The following PDPN variants were observed in gnomAD, a reference collection of about 807,000 sequenced individuals.
The protein encoded by PDPN is podoplanin.
PDPN carries 12 observed loss-of-function variants against 23.2 expected under a neutral mutation model. The observed-to-expected ratio is 0.52, with a 90% CI of 0.33 to 0.84. The LOEUF (loss-of-function observed/expected upper bound fraction) is 0.84. PDPN is among the 40% of genes least tolerant of loss of function. PDPN has a pLI of 0.02. For missense variants in PDPN, 199 were observed against 212.2 expected, an observed-to-expected ratio of 0.94 and a Z score of 0.39; for synonymous variants, 77 against 76.7, an observed-to-expected ratio of 1.00 and a Z score of -0.02.
chr1:13,595,788 G>A (rs1170047681), intron 1 of PDPN: 1 of 997,540 alleles, frequency 1.0e-6, no homozygotes, highest in Admixed American at 2.3e-5. Context: ...CTTTGCAGGT[G>A]CCGTGCTATC....
chr1:13,598,623 C>A (rs1187956653), intron 1 of PDPN, among the ~76,000 whole-genome samples: 5 of 152,074 alleles, frequency 3.3e-5, no homozygotes, highest in Non-Finnish European at 7.4e-5. Flanking sequence ...AAACCCCATC[C>A]TTAAAACAGT....
chr1:13,609,987 C>G (rs909026638), intron 2 of PDPN, among the ~76,000 whole-genome samples: 1 of 152,132 alleles, frequency 6.6e-6, no homozygotes, highest in African/African-American at 2.4e-5. Flanking sequence ...TTGCATGAAC[C>G]TGGAAGGCAA....
chr1:13,603,508 ATTTG>A (rs754024070), intron 1 of PDPN, among the ~76,000 whole-genome samples: 5 of 152,188 alleles, frequency 3.3e-5, no homozygotes, highest in East Asian at 3.9e-4. Context: ...GCTTACGTTT[ATTTG>A]TTCTCAAAAA....
chr1:13,598,027 T>C (rs1640542952), intron 1 of PDPN, among the ~76,000 whole-genome samples: 1 of 152,030 alleles, frequency 6.6e-6, no homozygotes, highest in Non-Finnish European at 1.5e-5. Flanking sequence ...TCTTTCTCTT[T>C]CCTTTCTTTT....
At chr1:13,604,277 G>A (rs1371871105) in intron 1 of PDPN, among the ~76,000 whole-genome samples, 1 of 152,180 alleles carries the variant, frequency 6.6e-6, no homozygotes, top group Admixed American at 6.6e-5. Flanking sequence ...GACATGAGAT[G>A]CTGGCTGGAA....
In PDPN at chr1:13,599,011, C is replaced by CTTTTTTTTTTTTTTTTTT. The variant is rs35244657; in HGVS notation, c.68-8145_68-8144insTTTTTTTTTTTTTTTTTT. ...ACAGTCCAAGAAAGTGCCCCCCCTC[C>CTTTTTTTTTTTTTTTTTT]TTTTTTTTTTTTTTTTTGGAGATGG... On this transcript the variant is annotated intron_variant, in intron 1 of 5. Transcript: ENST00000621990. 9.4e-3 allele frequency among the ~76,000 whole-genome samples: 1,190 copies of CTTTTTTTTTTTTTTTTTT among 126,802 alleles called. 55 individuals carry two copies. Among genetic ancestry groups the CTTTTTTTTTTTTTTTTTT allele is most frequent in the Non-Finnish European group, 0.015 (884 of 59,914 alleles). 83.2% of individuals were successfully genotyped at this position (126,802 alleles called of 152,430 possible).
chr1:13,607,369 T>A (rs1640818221), intron 2 of PDPN, 63 bp downstream of exon 2: 1 of 1,264,704 alleles, frequency 7.9e-7, no homozygotes, highest in Middle Eastern at 1.9e-4. Flanking sequence ...AAGGCTATGA[T>A]GTATATTAAT....
Position 13,616,404 on chromosome 1 carries a change from T to G in PDPN, c.*493T>G. The G allele has an allele frequency of 6.0e-6, 1 of 165,846 alleles. No homozygotes were observed. The highest frequency in any genetic ancestry group is 1.7e-4 in the East Asian group (1 of 5,780). The allele number at this position is 165,846 out of a possible 1,614,324, so 10.3% of individuals were successfully genotyped here. ...TGAAATGTACACATTCTGGTCTAGTTTGGTCTATCTTTTAAAGCCTGATCT... is the reference window on the plus strand; with the variant it reads ...TGAAATGTACACATTCTGGTCTAGTGTGGTCTATCTTTTAAAGCCTGATCT... On this transcript the variant is annotated 3_prime_UTR_variant, in exon 6 of 6. Transcript: ENST00000621990.
At chr1:13,611,442 T>A (rs988610055) in intron 3 of PDPN, among the ~76,000 whole-genome samples, 4 of 151,728 alleles carry the variant, frequency 2.6e-5, no homozygotes, top group African/African-American at 9.7e-5. Context: ...GGAGGAAACT[T>A]AAGGACATTA....
At chr1:13,607,139 C>T (rs1486304109) in intron 1 of PDPN, 34 bp from the exon 2 acceptor site, 11 of 1,596,218 alleles carry the variant, frequency 6.9e-6, no homozygotes, top group Non-Finnish European at 9.4e-6. Flanking sequence ...ATGCAATTTC[C>T]ACCTTAAGCT....
At chr1:13,592,382 AGTC>A (rs990047899) in intron 1 of PDPN, among the ~76,000 whole-genome samples, 2 of 151,976 alleles carry the variant, frequency 1.3e-5, no homozygotes, top group African/African-American at 4.8e-5. Context: ...GCTGTTGCCT[AGTC>A]CAAGCTTACA....
At chr1:13,584,367 C>T (rs1569999985) in intron 1 of PDPN, 1 of 1,414,616 alleles carries the variant, frequency 7.1e-7, no homozygotes, top group Non-Finnish European at 9.3e-7. Context: ...GGCCTCCCTC[C>T]GAGTCGGCAG....
chr1:13,594,466 A>T (rs1640434854), intron 1 of PDPN, among the ~76,000 whole-genome samples: 1 of 152,102 alleles, frequency 6.6e-6, no homozygotes, highest in African/African-American at 2.4e-5. Context: ...TCTACTCCAG[A>T]CCTTTCTTTA....
Position 13,614,343 on chromosome 1 carries a change from C to T in PDPN, c.414C>T (p.Val138=). The change falls in exon 5 of 6, where the codon GTC becomes GTT. Residue 138 remains valine (V), a synonymous_variant. Transcript: ENST00000621990. Reference sequence around the variant, plus strand: ...CCCTGGTTGGAATCATAGTTGGGGTCTTACTAGCCATCGGCTTCATTGGTG... The same window carrying T: ...CCCTGGTTGGAATCATAGTTGGGGTTTTACTAGCCATCGGCTTCATTGGTG... The part of the protein sequence containing the change: ...TVTLVGIIVG[V]LLAIGFIGAI... 3 of 1,609,488 alleles carry T rather than the reference C, an allele frequency of 1.9e-6. No homozygotes were observed. The highest frequency in any genetic ancestry group is 2.6e-6 in the Non-Finnish European group (3 of 1,175,892).
At chr1:13,602,243 G>A (rs1640664247) in intron 1 of PDPN, among the ~76,000 whole-genome samples, 1 of 152,154 alleles carries the variant, frequency 6.6e-6, no homozygotes, top group Admixed American at 6.5e-5. Context: ...CAGGAGAATG[G>A]CGTGAGCCCA....
At chr1:13,593,820 A>T (rs1570020291) in intron 1 of PDPN, among the ~76,000 whole-genome samples, 1 of 152,230 alleles carries the variant, frequency 6.6e-6, no homozygotes, top group South Asian at 2.1e-4. Context: ...CTTCTAAAGC[A>T]GGTTTTTGTC....
At chr1:13,587,042 TC>T (rs561070899) in intron 1 of PDPN, among the ~76,000 whole-genome samples, 3 of 152,276 alleles carry the variant, frequency 2.0e-5, no homozygotes, top group African/African-American at 7.2e-5. Context: ...AGAGCGAGAC[TC>T]CGTCTCAAAA....
At chr1:13,588,974 T>C (rs1264616595) in intron 1 of PDPN, among the ~76,000 whole-genome samples, 3 of 55,306 alleles carry the variant, frequency 5.4e-5, no homozygotes, top group Non-Finnish European at 9.6e-5. Context: ...CAACAATTCA[T>C]TGAATAGCTA....
Position 13,584,047 on chromosome 1 carries a change from C to T in PDPN, c.14C>T (p.Ser5Leu), listed in dbSNP as rs1388552359. 1 of 1,613,310 alleles carries T rather than the reference C, an allele frequency of 6.2e-7. No homozygotes were observed. The highest frequency in any genetic ancestry group is 1.1e-5 in the South Asian group (1 of 91,090). Residue 5 changes from serine (S) to leucine (L), a missense_variant, in exon 1 of 6, where the codon TCA becomes TTA. By Grantham distance (145) the Ser-to-Leu change is moderately radical. Transcript: ENST00000621990. Reference sequence around the variant, plus strand: ...TCAACGGGAACGATGTGGAAGGTGTCAGCTCTGCTCTTCGTTTTGGGAAGC... The same window carrying T: ...TCAACGGGAACGATGTGGAAGGTGTTAGCTCTGCTCTTCGTTTTGGGAAGC... MWKV[S>L]ALLFVLGSAS... is the part of the protein sequence containing the mutation.
Sources: allele counts gnomAD v4.1 joint callset (sites outside exome capture counted in the v4.1 genomes callset), GRCh38; gene constraint gnomAD v4.1.1; transcripts MANE v1.5; gene names NCBI Gene and HGNC (gene_info 2026-07-23, HGNC 2026-07-21).